Variants in PSMA8 observed in about 807,000 individuals in gnomAD.
PSMA8 encodes proteasome 20S subunit alpha 8.
In PSMA8, 18 loss-of-function variants were observed where a neutral mutation model predicts 32.4. The ratio of observed to expected loss-of-function variants is 0.56; its 90% CI spans 0.38 to 0.82. The LOEUF is 0.82. Among genes scored for constraint, PSMA8 ranks in the 40% least tolerant of loss-of-function variants. The pLI, the probability that PSMA8 is intolerant of heterozygous loss-of-function variation, is 0.00. For synonymous variants in PSMA8, 104 were observed against 98.1 expected (o/e 1.06, Z -0.36); for missense variants, 298 against 300.7 (o/e 0.99, Z 0.07).
chr18:26,144,556 C>T lies in PSMA8; in HGVS notation c.103-3C>T, dbSNP rs2054985928. ...ATATATATGTATTTTAATGACTTGA[C>T]AGGTCGGAATTCGAGGTACCAATAT... is the stretch of plus-strand genomic sequence containing the variant. On this transcript the variant is annotated splice_region_variant and splice_polypyrimidine_tract_variant and intron_variant, in intron 1 of 6. Coordinates refer to ENST00000415576, the MANE Select transcript of PSMA8 (RefSeq NM_001025096.2). The T allele has an allele frequency of 6.2e-7, 1 of 1,610,552 alleles. No homozygotes were observed. Among genetic ancestry groups the T allele is most frequent in the Middle Eastern group, 1.7e-4 (1 of 6,048 alleles).
intron 6 of PSMA8, among the ~76,000 whole-genome samples, chr18:26,180,769 G>T (rs2055304759): frequency 6.6e-6 from 1 of 151,648 alleles, no homozygotes; most frequent in African/African-American, 2.4e-5. Flanking sequence ...TGATAGAATG[G>T]TATGCTTACT....
In PSMA8 at chr18:26,144,549, G is replaced by A; in HGVS notation, c.103-10G>A. 1.2e-6 allele frequency: 2 copies of A among 1,608,434 alleles called. No homozygotes were observed. Among genetic ancestry groups the A allele is most frequent in the South Asian group, 1.1e-5 (1 of 90,702 alleles). On this transcript the variant is annotated splice_polypyrimidine_tract_variant and intron_variant, in intron 1 of 6. Transcript: ENST00000415576. The stretch of plus-strand genomic sequence containing the variant: ...CATCTGAATATATATGTATTTTAAT[G>A]ACTTGACAGGTCGGAATTCGAGGTA...
At position 26,192,394 on chromosome 18, in the gene PSMA8, T is replaced by G; in HGVS notation, c.736T>G (p.Ser246Ala). 6.5e-7 allele frequency: 1 copy of G among 1,532,668 alleles called. No homozygotes were observed. Among genetic ancestry groups the G allele is most frequent in the Non-Finnish European group, 8.7e-7 (1 of 1,152,418 alleles). 94.9% of individuals were successfully genotyped at this position (1,532,668 alleles called of 1,614,324 possible). Residue 246 changes from serine to alanine, a missense_variant, in exon 7 of 7, where the codon TCA (serine) becomes GCA (alanine). Transcript: ENST00000415576. ...KEKEEAEKKKSKKSV is the reference protein window; with the variant it reads ...KEKEEAEKKKAKKSV ...AAAGGAAGAAGCAGAGAAGAAAAAATCAAAGAAATCTGTCTAATTCTTAGG... is the reference window on the plus strand; with the variant it reads ...AAAGGAAGAAGCAGAGAAGAAAAAAGCAAAGAAATCTGTCTAATTCTTAGG...
At chr18:26,146,856 T>C (rs76093924) in intron 2 of PSMA8, among the ~76,000 whole-genome samples, 3,491 of 152,166 alleles carry the variant, frequency 0.023, 124 homozygotes, top group African/African-American at 0.08. Flanking sequence ...AAAGAAAAGA[T>C]ATTTAATTGG....
At chr18:26,177,011 A>T (rs1413835310) in intron 4 of PSMA8, among the ~76,000 whole-genome samples, 3 of 152,156 alleles carry the variant, frequency 2.0e-5, no homozygotes, top group Non-Finnish European at 2.9e-5. Flanking sequence ...GAAAGGATAG[A>T]CCTTTGTGTT....
chr18:26,152,264 C>A (rs2055052345), intron 3 of PSMA8, among the ~76,000 whole-genome samples: 1 of 152,002 alleles, frequency 6.6e-6, no homozygotes, highest in African/African-American at 2.4e-5. Context: ...GAGATTAATA[C>A]AAAGAGTTAT....
At chr18:26,171,093 T>C (rs1317580128) in intron 4 of PSMA8, 1 of 1,559,538 alleles carries the variant, frequency 6.4e-7, no homozygotes, top group Non-Finnish European at 8.5e-7. Context: ...TAAAGGTCGA[T>C]TCTTCTCAGG....
intron 6 of PSMA8, among the ~76,000 whole-genome samples, chr18:26,180,545 CAG>C (rs926340280): frequency 6.6e-6 from 1 of 152,056 alleles, no homozygotes; most frequent in Non-Finnish European, 1.5e-5. Flanking sequence ...GTGCTGAGCA[CAG>C]AGTGTGGAAA....
chr18:26,172,631 C>G (rs2055232149), intron 4 of PSMA8, among the ~76,000 whole-genome samples: 1 of 151,904 alleles, frequency 6.6e-6, no homozygotes, highest in Non-Finnish European at 1.5e-5. Context: ...CTTGGGGTAT[C>G]CAATCCATTA....
chr18:26,190,570 G>A (rs755460946), intron 6 of PSMA8, among the ~76,000 whole-genome samples: 5 of 152,004 alleles, frequency 3.3e-5, no homozygotes, highest in Non-Finnish European at 7.4e-5. Flanking sequence ...GCAACATGGC[G>A]AAACCCCGTC....
chr18:26,188,274 A>G (rs1050530953), intron 6 of PSMA8, among the ~76,000 whole-genome samples: 1 of 151,988 alleles, frequency 6.6e-6, no homozygotes, highest in Admixed American at 6.5e-5. Context: ...AAACATATGG[A>G]ATACAGTGAA....
chr18:26,142,515 A>G (rs962261028), intron 1 of PSMA8, among the ~76,000 whole-genome samples: 1 of 152,206 alleles, frequency 6.6e-6, no homozygotes, highest in Non-Finnish European at 1.5e-5. Context: ...TCTTGTTTGA[A>G]TAGAGGCTTT....
Position 26,151,846 on chromosome 18 carries a change from CA to C in PSMA8, c.230-10del, listed in dbSNP as rs1568057952. 3 of 1,573,156 alleles carry C rather than the reference CA, an allele frequency of 1.9e-6. No individual in the cohort carries two copies. Among genetic ancestry groups the C allele is most frequent in the Non-Finnish European group, 2.6e-6 (3 of 1,164,924 alleles). On this transcript the variant is annotated splice_polypyrimidine_tract_variant and intron_variant, in intron 2 of 6. Transcript: ENST00000415576. The stretch of plus-strand genomic sequence containing the variant: ...TTTTGTGGTTTTTGTGAAGTTTTGA[CA>C]ATTTTTATAGGACTTACTGCTGATG...
At position 26,183,691 on chromosome 18, in the gene PSMA8, C is replaced by T. The variant is rs115097798; in HGVS notation, c.660+4561C>T. ...GATGCTGTAAATATTGTTGAAATAA[C>T]AACAAAACATTTAGAGTGTTACATA... On this transcript the variant is annotated intron_variant, in intron 6 of 6. Coordinates refer to ENST00000415576, the MANE Select transcript of PSMA8 (RefSeq NM_001025096.2). Among the ~76,000 whole-genome samples, 155 of 150,828 alleles carry T rather than the reference C, an allele frequency of 1.0e-3. 12 individuals carry two copies. The highest frequency in any genetic ancestry group is 3.6e-3 in the African/African-American group (146 of 40,930).
chr18:26,145,581 T>G (rs2054996237), intron 2 of PSMA8, among the ~76,000 whole-genome samples: 1 of 152,236 alleles, frequency 6.6e-6, no homozygotes, highest in African/African-American at 2.4e-5. Flanking sequence ...TCTATAATTT[T>G]GTCATTTTGA....
At chr18:26,156,540 T>C (rs559889023) in intron 3 of PSMA8, among the ~76,000 whole-genome samples, 8 of 152,106 alleles carry the variant, frequency 5.3e-5, no homozygotes, top group Admixed American at 3.3e-4. Context: ...CATTGTGTTA[T>C]GTAAAATAAG....
chr18:26,140,208 G>A (rs1395437588), intron 1 of PSMA8: 2 of 696,230 alleles, frequency 2.9e-6, no homozygotes, highest in Non-Finnish European at 5.2e-6. Context: ...CCTTTGGCAG[G>A]CTGGCGTGAT....
chr18:26,168,226 C>T (rs1443018485), intron 4 of PSMA8, among the ~76,000 whole-genome samples: 2 of 125,960 alleles, frequency 1.6e-5, no homozygotes, highest in Non-Finnish European at 3.0e-5. Context: ...TTTTTTTCCT[C>T]ACATAACTTA....
chr18:26,142,400 A>G (rs1298079572), intron 1 of PSMA8, among the ~76,000 whole-genome samples: 2 of 152,150 alleles, frequency 1.3e-5, no homozygotes, highest in Non-Finnish European at 2.9e-5. Flanking sequence ...ACCAATACCT[A>G]TGTCAAAATT....
Sources: allele counts gnomAD v4.1 joint callset (sites outside exome capture counted in the v4.1 genomes callset), GRCh38; gene constraint gnomAD v4.1.1; transcripts MANE v1.5; gene names NCBI Gene and HGNC (gene_info 2026-07-23, HGNC 2026-07-21).